Variants in C1orf198 observed in about 807,000 individuals in gnomAD.
C1orf198 encodes the protein chromosome 1 open reading frame 198.
Under a neutral mutation model 31.4 loss-of-function variants are expected in C1orf198, and 17 were observed. The observed-to-expected ratio is 0.54, with a 90% CI of 0.37 to 0.81. The LOEUF is 0.81. Ranked by LOEUF, C1orf198 falls within the 40% of genes least tolerant of loss-of-function variation. The probability of loss-of-function intolerance (pLI) is 0.00; values close to 1 mark genes in which losing one functional copy is unlikely to be tolerated. For missense variants in C1orf198, 401 were observed against 450.3 expected, an observed-to-expected ratio of 0.89 and a Z score of 0.99; for synonymous variants, 175 against 193.8, an observed-to-expected ratio of 0.90 and a Z score of 0.81.
In C1orf198 at chr1:230,843,488, G is replaced by A. The variant is rs1362089477; in HGVS notation, c.793C>T (p.Pro265Ser). Residue 265 changes from proline (P) to serine (S), a missense_variant, in exon 3 of 4, where the codon CCC becomes TCC. Pro to Ser is a moderately conservative substitution (Grantham distance 74). Coordinates refer to ENST00000366663, the MANE Select transcript of C1orf198 (RefSeq NM_032800.3). The surrounding 1 kb of genome is among the most constrained non-coding windows in gnomAD (Gnocchi z 4.9). ...CTGCTGAAGGCCTGGACAGGCTGGG[G>A]TCTCTCACGTTCGGTGCTCACGTTG... ...LPNVSTERER[P>S]QPVQAFSSAL... is the part of the protein sequence containing the mutation. The A allele has an allele frequency of 1.2e-6, 2 of 1,612,442 alleles. No homozygotes were observed. Among genetic ancestry groups the A allele is most frequent in the Admixed American group, 1.7e-5 (1 of 59,788 alleles).
At chr1:230,866,723 CCTG>C (rs996862702) in intron 1 of C1orf198, among the ~76,000 whole-genome samples, 6 of 152,174 alleles carry the variant, frequency 3.9e-5, no homozygotes, top group African/African-American at 1.4e-4. Context: ...AGGAGTGCTG[CCTG>C]CTTTTTCATC....
At chr1:230,861,191 T>C (rs1026375362) in intron 1 of C1orf198, among the ~76,000 whole-genome samples, 3 of 152,044 alleles carry the variant, frequency 2.0e-5, no homozygotes, top group Non-Finnish European at 4.4e-5. Context: ...GAGACTTCGG[T>C]TGACAATGAT....
chr1:230,854,027 G>A (rs1197785773), intron 2 of C1orf198, among the ~76,000 whole-genome samples: 3 of 152,180 alleles, frequency 2.0e-5, no homozygotes, highest in African/African-American at 7.2e-5. Context: ...GAAATGTCCT[G>A]TCCCACAAAT....
chr1:230,853,327 G>A (rs540217619), intron 2 of C1orf198, among the ~76,000 whole-genome samples: 1 of 152,274 alleles, frequency 6.6e-6, no homozygotes, highest in African/African-American at 2.4e-5. Flanking sequence ...TGCAATTGGA[G>A]ATTAGGGGGT....
chr1:230,859,362 C>A (rs971955289), intron 1 of C1orf198, among the ~76,000 whole-genome samples: 6 of 152,116 alleles, frequency 3.9e-5, no homozygotes, highest in East Asian at 3.9e-4. Flanking sequence ...TCCCACCCCC[C>A]TCTCTGGCGC....
chr1:230,854,476 G>A (rs1669820920), intron 2 of C1orf198, among the ~76,000 whole-genome samples: 1 of 152,100 alleles, frequency 6.6e-6, no homozygotes, highest in South Asian at 2.1e-4. Flanking sequence ...TTAACATCTT[G>A]TGCTCTCTCC....
chr1:230,841,938 C>G (rs1285279005), intron 3 of C1orf198, among the ~76,000 whole-genome samples: 1 of 152,168 alleles, frequency 6.6e-6, no homozygotes, highest in Non-Finnish European at 1.5e-5. Context: ...TCTAACCACA[C>G]GATGGAATAT....
At chr1:230,863,012 GGA>G (rs1316617772) in intron 1 of C1orf198, among the ~76,000 whole-genome samples, 2 of 152,308 alleles carry the variant, frequency 1.3e-5, no homozygotes, top group Admixed American at 6.5e-5. Context: ...TTCAAAAAGA[GGA>G]GAGTAAGGAA....
chr1:230,868,338 C>T lies in C1orf198; in HGVS notation c.175G>A (p.Ala59Thr). Reference sequence around the variant, plus strand: ...TCCTGCTGCGCGGGCGGCAGCCGCGCCCACTCGGGCCCGTACTTCTCGCGG... The same window carrying T: ...TCCTGCTGCGCGGGCGGCAGCCGCGTCCACTCGGGCCCGTACTTCTCGCGG... ...KIREKYGPEW[A>T]RLPPAQQDEI... The change falls in exon 1 of 4, where the codon GCG becomes ACG. Residue 59 changes from alanine to threonine, a missense_variant. Coordinates refer to ENST00000366663, the MANE Select transcript of C1orf198 (RefSeq NM_032800.3). The T allele has an allele frequency of 6.3e-7, 1 of 1,595,740 alleles. No individual in the cohort carries two copies. Among genetic ancestry groups the T allele is most frequent in the Non-Finnish European group, 8.5e-7 (1 of 1,172,028 alleles).
In C1orf198 at chr1:230,857,708, G is replaced by T. The variant is rs1669911148; in HGVS notation, c.334-1990C>A. 6.6e-6 allele frequency among the ~76,000 whole-genome samples: 1 copy of T among 152,016 alleles called. No individual in the cohort carries two copies. Among genetic ancestry groups the T allele is most frequent in the Non-Finnish European group, 1.5e-5 (1 of 68,008 alleles). On this transcript the variant is annotated intron_variant, in intron 1 of 3. Transcript: ENST00000366663. The surrounding 1 kb of genome is among the most constrained non-coding windows in gnomAD (Gnocchi z 4.2). ...ATTTTCCCAGGACAGCATATAAAAG[G>T]ACTAAATATATTTATATCAGGAAAA...
intron 2 of C1orf198, among the ~76,000 whole-genome samples, chr1:230,850,848 T>C (rs895661085): frequency 1.3e-5 from 2 of 152,066 alleles, no homozygotes; most frequent in African/African-American, 4.8e-5. Context: ...GAATCCTCTA[T>C]GTCCAGGAAC....
rs201948003 is a variant in C1orf198 at position 230,850,906 on chromosome 1, G to A, written c.384+4762C>T. ...GTCCCACCATGGGCAGCAAAGCCCC[G>A]AAAGTCACAGATAGACCTGAGCTCC... On this transcript the variant is annotated intron_variant, in intron 2 of 3. Transcript: ENST00000366663. Among the ~76,000 whole-genome samples the A allele has an allele frequency of 2.6e-5, 4 of 152,186 alleles. 1 individual carries two copies. The South Asian group carries it at 6.2e-4, about 24-fold the overall frequency.
At chr1:230,856,097 C>A in intron 1 of C1orf198, 1 of 599,504 alleles carries the variant, frequency 1.7e-6, no homozygotes, top group East Asian at 9.9e-5. Flanking sequence ...ATGACTCAGC[C>A]TTTTTGAGCC....
Position 230,868,164 on chromosome 1 carries a change from C to A in C1orf198, c.333+16G>T, listed in dbSNP as rs1451276283. ...GCCGGGAGGGGAAGAGGGTCCGCGG[C>A]CAGGCCCGCACCTACCTCGTCCCCG... On this transcript the variant is annotated intron_variant, in intron 1 of 3. Coordinates refer to ENST00000366663, the MANE Select transcript of C1orf198 (RefSeq NM_032800.3). The A allele has an allele frequency of 3.5e-6, 5 of 1,434,750 alleles. No homozygotes were observed. Among genetic ancestry groups the A allele is most frequent in the Non-Finnish European group, 4.5e-6 (5 of 1,099,952 alleles). The allele number at this position is 1,434,750 out of a possible 1,614,324, so 88.9% of individuals were successfully genotyped here.
intron 2 of C1orf198, among the ~76,000 whole-genome samples, chr1:230,855,154 A>G (rs1287775842): frequency 6.6e-6 from 1 of 152,088 alleles, no homozygotes; most frequent in East Asian, 1.9e-4. Flanking sequence ...CTCTTAAGCA[A>G]CTCTGGTGAT....
At chr1:230,868,711 T>G (rs1232726455), upstream of C1orf198, 2 of 78,874 alleles carry the variant, frequency 2.5e-5, no homozygotes, top group Non-Finnish European at 3.4e-5. Flanking sequence ...AGCTCCTCCC[T>G]CCGGGCCCCC....
At chr1:230,863,022 G>A (rs1670034699) in intron 1 of C1orf198, among the ~76,000 whole-genome samples, 1 of 152,178 alleles carries the variant, frequency 6.6e-6, no homozygotes, top group Non-Finnish European at 1.5e-5. Flanking sequence ...GGAGAGTAAG[G>A]AAGAATGATT....
chr1:230,862,777 T>C (rs905378774), intron 1 of C1orf198, among the ~76,000 whole-genome samples: 1 of 152,210 alleles, frequency 6.6e-6, no homozygotes, highest in African/African-American at 2.4e-5. Context: ...TGTGATATTA[T>C]AGTGATGGGT....
In C1orf198 at chr1:230,868,413, A is replaced by C. The variant is rs1245176714; in HGVS notation, c.100T>G (p.Ser34Ala). The C allele has an allele frequency of 4.0e-5, 64 of 1,591,578 alleles. No homozygotes were observed. Among genetic ancestry groups the C allele is most frequent in the Non-Finnish European group, 4.9e-5 (57 of 1,169,554 alleles). Residue 34 changes from serine (S) to alanine (A), a missense_variant, in exon 1 of 4, where the codon TCG (serine) becomes GCG (alanine). Ser to Ala is a moderately conservative substitution (Grantham distance 99, BLOSUM62 1). Transcript: ENST00000366663. ...DRERKRFTYF[S>A]SLSPMARKIM... ...TTCCTGGCCATGGGGCTCAGCGACGAGAAGTAAGTGAAGCGCTTTCGCTCC... is the reference window on the plus strand; with the variant it reads ...TTCCTGGCCATGGGGCTCAGCGACGCGAAGTAAGTGAAGCGCTTTCGCTCC...
Sources: allele counts gnomAD v4.1 joint callset (sites outside exome capture counted in the v4.1 genomes callset), GRCh38; gene constraint gnomAD v4.1.1; non-coding constraint Gnocchi (gnomAD v3.1); transcripts MANE v1.5; gene names NCBI Gene and HGNC (gene_info 2026-07-23, HGNC 2026-07-21).